Variants in GLS observed in about 807,000 individuals in gnomAD.
GLS encodes the protein glutaminase kidney isoform, mitochondrial.
In GLS, 36 loss-of-function variants were observed where a neutral mutation model predicts 86.7. The ratio of observed to expected loss-of-function variants is 0.42; its 90% CI spans 0.32 to 0.55. The LOEUF (loss-of-function observed/expected upper bound fraction) is 0.55, where lower values mean the gene tolerates loss of function less well. Ranked by LOEUF, GLS falls within the 20% of genes least tolerant of loss-of-function variation. GLS has a pLI of 0.17. For missense variants in GLS, 528 were observed against 833.4 expected, an observed-to-expected ratio of 0.63 and a Z score of 4.51; for synonymous variants, 317 against 305.9, an observed-to-expected ratio of 1.04 and a Z score of -0.38.
In GLS at chr2:190,881,245, T is replaced by TCCACCCGCC. The variant is rs965494808; in HGVS notation, c.168_169insCCCCACCCG (p.Pro56_Trp57insProHisPro). 2.5e-5 allele frequency: 31 copies of TCCACCCGCC among 1,260,024 alleles called. No individual in the cohort carries two copies. The highest frequency in any genetic ancestry group is 3.1e-5 in the African/African-American group (2 of 64,130). 78.1% of individuals were successfully genotyped at this position (1,260,024 alleles called of 1,614,324 possible). A position where few individuals can be genotyped will look rare whatever the true frequency, so the allele number is the denominator to read the frequency against. On this transcript the variant is annotated inframe_insertion, in exon 1 of 18. Transcript: ENST00000320717. The stretch of plus-strand genomic sequence containing the variant: ...GCGGGCCCGGCTGCCGCCGCGCGAC[T>TCCACCCGCC]CCACCCGTGGTGGGGCGGGGGCGGC...
At position 190,897,905 on chromosome 2, in the gene GLS, T is replaced by A. The variant is rs534356710; in HGVS notation, c.605+2180T>A. On this transcript the variant is annotated intron_variant, in intron 3 of 17. Coordinates refer to ENST00000320717, the MANE Select transcript of GLS (RefSeq NM_014905.5). The surrounding 1 kb of genome is among the most constrained non-coding windows in gnomAD (Gnocchi z 4.3). The stretch of plus-strand genomic sequence containing the variant: ...ATCTGAGAAAACTATTATGTGTGAC[T>A]TTTTTTAACTTGGGAAAATACGTTC... Among the ~76,000 whole-genome samples, 3 of 152,310 alleles carry A rather than the reference T, an allele frequency of 2.0e-5. No homozygotes were observed. The highest frequency in any genetic ancestry group is 2.0e-4 in the Admixed American group (3 of 15,292).
intron 4 of GLS, among the ~76,000 whole-genome samples, chr2:190,901,736 A>G (rs1259220998): frequency 6.6e-6 from 1 of 152,072 alleles, no homozygotes; most frequent in Non-Finnish European, 1.5e-5. Flanking sequence ...AGAGACTGAG[A>G]AAAGTCACTT....
At chr2:190,923,411 C>T (rs1244614470) in intron 9 of GLS, among the ~76,000 whole-genome samples, 1 of 152,126 alleles carries the variant, frequency 6.6e-6, no homozygotes, top group Non-Finnish European at 1.5e-5. Context: ...TTTTCTAACC[C>T]GTTCATGATG....
At chr2:190,912,341 A>C (rs1689388594) in intron 7 of GLS, among the ~76,000 whole-genome samples, 2 of 134,576 alleles carry the variant, frequency 1.5e-5, no homozygotes, top group South Asian at 4.9e-4. Flanking sequence ...TGTGTTTCAC[A>C]AGTGCTTTTT....
In GLS at chr2:190,924,091, T is replaced by G. The variant is rs1484116165; in HGVS notation, c.1197+108T>G. On this transcript the variant is annotated intron_variant, in intron 10 of 17. Transcript: ENST00000320717. The surrounding 1 kb of genome is among the most constrained non-coding windows in gnomAD (Gnocchi z 5.2). ...GCCTTTAAGCAACTACCTATTACTA[T>G]TTAAGGTGCAGAAGTTTTTGCAGAG... 1.7e-5 allele frequency: 11 copies of G among 650,928 alleles called. 1 individual carries two copies. The highest frequency in any genetic ancestry group is 8.0e-4 in the Middle Eastern group (2 of 2,496). 40.3% of individuals were successfully genotyped at this position (650,928 alleles called of 1,614,324 possible). A position where few individuals can be genotyped will look rare whatever the true frequency, so the allele number is the denominator to read the frequency against.
At chr2:190,932,836 A>G (rs1690152081) in intron 14 of GLS, 1 of 1,567,190 alleles carries the variant, frequency 6.4e-7, no homozygotes. Context: ...AGTATATAGA[A>G]TGGAAAGTCT....
chr2:190,910,207 A>G (rs994110671), intron 6 of GLS, 56 bp from the exon 7 acceptor site: 21 of 1,039,060 alleles, frequency 2.0e-5, no homozygotes, highest in Admixed American at 6.4e-5. Flanking sequence ...TAGTATAGTA[A>G]TATTACTCAA....
intron 5 of GLS, 129 bp from the exon 6 acceptor site, chr2:190,904,875 A>G (rs1414964462): frequency 1.1e-5 from 7 of 647,418 alleles, no homozygotes; most frequent in Non-Finnish European, 1.9e-5. Flanking sequence ...TAATTTTGAC[A>G]TAAACTTGTG....
chr2:190,963,066 T>C lies in GLS; in HGVS notation c.*80T>C, dbSNP rs546493972. The C allele has an allele frequency of 3.2e-5, 31 of 974,314 alleles. No individual in the cohort carries two copies. In the East Asian group the frequency reaches 7.2e-4, roughly 23 times the overall value. 60.4% of individuals were successfully genotyped at this position (974,314 alleles called of 1,614,324 possible). A position where few individuals can be genotyped will look rare whatever the true frequency, so the allele number is the denominator to read the frequency against. On this transcript the variant is annotated 3_prime_UTR_variant, in exon 18 of 18. Transcript: ENST00000320717. ...TATGAAGAACATGTGTATTTCTATCTGGTAGTGATGTATATTTTACATTTG... is the reference window on the plus strand; with the variant it reads ...TATGAAGAACATGTGTATTTCTATCCGGTAGTGATGTATATTTTACATTTG...
At position 190,937,909 on chromosome 2, in the gene GLS, A is replaced by G. The variant is rs1253738720; in HGVS notation, c.1650+6272A>G. On this transcript the variant is annotated intron_variant, in intron 14 of 17. Transcript: ENST00000320717. Reference sequence around the variant, plus strand: ...AGAATACTTATTATTGAAAACCATCATGTATTGCTTTAAAACAAAAGTTAT... The same window carrying G: ...AGAATACTTATTATTGAAAACCATCGTGTATTGCTTTAAAACAAAAGTTAT... 3.4e-5 allele frequency among the ~76,000 whole-genome samples: 5 copies of G among 147,122 alleles called. 1 individual carries two copies. Among genetic ancestry groups the G allele is most frequent in the Admixed American group, 2.1e-4 (3 of 14,454 alleles).
At chr2:190,908,393 T>G (rs1012354749) in intron 6 of GLS, among the ~76,000 whole-genome samples, 7 of 152,222 alleles carry the variant, frequency 4.6e-5, no homozygotes, top group African/African-American at 9.6e-5. Context: ...TGATATAATA[T>G]GAAAGAATGC....
rs747005921 is a variant in GLS at position 190,910,252 on chromosome 2, A to G, written c.980-11A>G. On this transcript the variant is annotated splice_polypyrimidine_tract_variant and intron_variant, in intron 6 of 17. Transcript: ENST00000320717. Reference sequence around the variant, plus strand: ...TATTTGAAATAATGGTATTGCTTTTATATTTTACAGATAAACCACATAATC... The same window carrying G: ...TATTTGAAATAATGGTATTGCTTTTGTATTTTACAGATAAACCACATAATC... The G allele has an allele frequency of 4.9e-6, 7 of 1,438,798 alleles. No individual in the cohort carries two copies. The highest frequency in any genetic ancestry group is 6.8e-6 in the Non-Finnish European group (7 of 1,031,380). The allele number at this position is 1,438,798 out of a possible 1,614,324, so 89.1% of individuals were successfully genotyped here. A position where few individuals can be genotyped will look rare whatever the true frequency, so the allele number is the denominator to read the frequency against.
chr2:190,941,142 G>T (rs542360793), intron 14 of GLS, among the ~76,000 whole-genome samples: 1 of 152,256 alleles, frequency 6.6e-6, no homozygotes, highest in African/African-American at 2.4e-5. Flanking sequence ...TTTAGGATAT[G>T]CAGTGAGTGG....
Position 190,963,004 on chromosome 2 carries a change from A to G in GLS, c.*18A>G, listed in dbSNP as rs548719515. 2 of 1,545,392 alleles carry G rather than the reference A, an allele frequency of 1.3e-6. No homozygotes were observed. Among genetic ancestry groups the G allele is most frequent in the South Asian group, 2.4e-5 (2 of 83,414 alleles). ...TGTTGTAATGGTCTCAAATCCCAAGATTTAAATCACTTACCTATTTAATTG... is the reference window on the plus strand; with the variant it reads ...TGTTGTAATGGTCTCAAATCCCAAGGTTTAAATCACTTACCTATTTAATTG... On this transcript the variant is annotated 3_prime_UTR_variant, in exon 18 of 18. Transcript: ENST00000320717.
rs1322173424 is a variant in GLS, at chr2:190,949,939, T to C, written c.1651-3626T>C. On this transcript the variant is annotated intron_variant, in intron 14 of 17. Transcript: ENST00000320717. This position sits in a 1 kb window ranked among gnomAD's most constrained non-coding sequence, Gnocchi z 4.0. ...CAAGTATATATAAAAATATATATAC[T>C]TTATATATAGTTATATATAACAAAT... Among the ~76,000 whole-genome samples, 1 of 149,916 alleles carries C rather than the reference T, an allele frequency of 6.7e-6. No individual in the cohort carries two copies. The highest frequency in any genetic ancestry group is 1.9e-4 in the East Asian group (1 of 5,162).
chr2:190,936,296 C>CTA (rs1456520575), intron 14 of GLS, among the ~76,000 whole-genome samples: 8 of 150,702 alleles, frequency 5.3e-5, no homozygotes, highest in Non-Finnish European at 8.9e-5. Flanking sequence ...ATATGTCAGC[C>CTA]TATATCCTGA....
intron 14 of GLS, among the ~76,000 whole-genome samples, chr2:190,940,549 T>C (rs577793468): frequency 6.6e-6 from 1 of 152,174 alleles, no homozygotes; most frequent in African/African-American, 2.4e-5. Context: ...CGTACCCACT[T>C]TAAGTTGCTC....
At chr2:190,883,890 C>A (rs527952011) in intron 1 of GLS, among the ~76,000 whole-genome samples, 1 of 152,130 alleles carries the variant, frequency 6.6e-6, no homozygotes, top group Non-Finnish European at 1.5e-5. Context: ...TGGAAGGAGG[C>A]GTGATATAAG....
chr2:190,895,619 G>A lies in GLS; in HGVS notation c.499G>A (p.Gly167Arg). 1.9e-6 allele frequency: 3 copies of A among 1,601,442 alleles called. No homozygotes were observed. Among genetic ancestry groups the A allele is most frequent in the Non-Finnish European group, 2.6e-6 (3 of 1,170,756 alleles). Residue 167 changes from glycine to arginine, a missense_variant, in exon 3 of 18, where the codon GGA becomes AGA. By Grantham distance (125) the Gly-to-Arg change is moderately radical. This residue lies in a region of GLS where 111 missense variants were observed against 179.5 expected (regional missense o/e 0.62). Coordinates refer to ENST00000320717, the MANE Select transcript of GLS (RefSeq NM_014905.5). The surrounding 1 kb of genome is among the most constrained non-coding windows in gnomAD (Gnocchi z 4.2). ...TTAAAAACAGGCACTCAAATCTACA[G>A]GATTGCGAACGTCTGATCCCAGGTT... ...HKFITALKST[G>R]LRTSDPRLKE...
Sources: gnomAD v4.1 joint callset for allele counts (sites outside exome capture counted in the v4.1 genomes callset) on GRCh38, gnomAD v4.1.1 for gene constraint, gnomAD v4.1.1 regional missense constraint, Gnocchi (gnomAD v3.1) non-coding constraint, MANE v1.5 for transcripts, NCBI Gene and HGNC (gene_info 2026-07-23, HGNC 2026-07-21) for gene names.